The following SGCZ variants were observed in gnomAD, a reference collection of about 807,000 sequenced individuals.
SGCZ encodes the protein zeta-sarcoglycan.
A neutral mutation model predicts 41.3 loss-of-function variants in SGCZ; 40 were observed. The ratio of observed to expected loss-of-function variants is 0.97; its 90% CI spans 0.75 to 1.26. SGCZ has a LOEUF of 1.26. SGCZ is among the 50% of genes most tolerant of loss of function. The pLI is 0.00. For missense variants in SGCZ, 552 were observed against 369.8 expected (o/e 1.49, Z -4.04); for synonymous variants, 206 against 137.5 (o/e 1.50, Z -3.49).
intron 1 of SGCZ, among the ~76,000 whole-genome samples, chr8:15,179,892 C>G (rs1485292120): frequency 6.6e-6 from 1 of 152,186 alleles, no homozygotes; most frequent in Non-Finnish European, 1.5e-5. Flanking sequence ...CTGTACCACA[C>G]AACAACCTGC....
At chr8:14,347,768 C>G (rs1322265029) in intron 2 of SGCZ, among the ~76,000 whole-genome samples, 2 of 151,996 alleles carry the variant, frequency 1.3e-5, no homozygotes, top group Non-Finnish European at 2.9e-5. Context: ...GAAAGAACAT[C>G]AATGAGATTT....
At chr8:14,566,177 T>C (rs1280060122) in intron 1 of SGCZ, among the ~76,000 whole-genome samples, 5 of 152,256 alleles carry the variant, frequency 3.3e-5, no homozygotes. Flanking sequence ...TATTATTATA[T>C]GCTGACTATT....
intron 1 of SGCZ, among the ~76,000 whole-genome samples, chr8:14,775,907 T>C (rs1347817318): frequency 6.6e-6 from 1 of 152,080 alleles, no homozygotes; most frequent in Non-Finnish European, 1.5e-5. Context: ...GTAAAACAGA[T>C]GCCTGTGACT....
intron 1 of SGCZ, among the ~76,000 whole-genome samples, chr8:14,735,478 G>C (rs1158748492): frequency 1.3e-5 from 2 of 152,104 alleles, no homozygotes; most frequent in Non-Finnish European, 2.9e-5. Context: ...CAGACTTCAG[G>C]TTTCCACCCT....
intron 2 of SGCZ, among the ~76,000 whole-genome samples, chr8:14,534,458 C>A (rs1326267890): frequency 1.3e-5 from 2 of 151,944 alleles, no homozygotes; most frequent in African/African-American, 2.4e-5. Context: ...GCATTATTAA[C>A]CTTCACTCTT....
chr8:14,581,865 T>G (rs1279341729), intron 1 of SGCZ, among the ~76,000 whole-genome samples: 1 of 152,226 alleles, frequency 6.6e-6, no homozygotes, highest in Non-Finnish European at 1.5e-5. Flanking sequence ...CAGATGATGC[T>G]AGAACAACAG....
At chr8:14,801,596 A>T (rs1801322998) in intron 1 of SGCZ, among the ~76,000 whole-genome samples, 1 of 152,184 alleles carries the variant, frequency 6.6e-6, no homozygotes, top group Non-Finnish European at 1.5e-5. Context: ...GAACGGACAG[A>T]GATCAGGGAA....
At position 15,166,490 on chromosome 8, in the gene SGCZ, C is replaced by T. The variant is rs568712426; in HGVS notation, c.39+71095G>A. Among the ~76,000 whole-genome samples the T allele has an allele frequency of 2.5e-4, 38 of 152,118 alleles. 1 individual carries two copies. The East Asian group carries it at 3.7e-3, about 15-fold the overall frequency. Reference sequence around the variant, plus strand: ...GTCTCCATCTCCTGACCTCATGATCCGCCCGCCTTGGCCTCCCAAAGTGCT... The same window carrying T: ...GTCTCCATCTCCTGACCTCATGATCTGCCCGCCTTGGCCTCCCAAAGTGCT... On this transcript the variant is annotated intron_variant, in intron 1 of 7. Transcript: ENST00000382080.
At chr8:14,823,688 A>G (rs945428566) in intron 1 of SGCZ, among the ~76,000 whole-genome samples, 7 of 152,176 alleles carry the variant, frequency 4.6e-5, no homozygotes, top group African/African-American at 1.7e-4. Context: ...AAAAAATTAA[A>G]AATAGAACTA....
chr8:14,770,667 T>A (rs1041719079), intron 1 of SGCZ, among the ~76,000 whole-genome samples: 1 of 152,152 alleles, frequency 6.6e-6, no homozygotes, highest in Non-Finnish European at 1.5e-5. Flanking sequence ...ACTCATTCAG[T>A]AAACTTTTAT....
intron 1 of SGCZ, among the ~76,000 whole-genome samples, chr8:14,739,633 T>C (rs1259959677): frequency 6.6e-6 from 1 of 152,092 alleles, no homozygotes; most frequent in Admixed American, 6.6e-5. Context: ...TGTATTAGTC[T>C]TCCTTTTAGA....
chr8:14,108,499 G>T (rs1802277387), intron 5 of SGCZ, among the ~76,000 whole-genome samples: 1 of 152,118 alleles, frequency 6.6e-6, no homozygotes. Context: ...CATCGCGGTG[G>T]CAAGAGAAAA....
In SGCZ at chr8:15,197,914, A is replaced by G. The variant is rs535965913; in HGVS notation, c.39+39671T>C. 3.3e-5 allele frequency among the ~76,000 whole-genome samples: 5 copies of G among 151,322 alleles called. No individual in the cohort carries two copies. In the South Asian group the frequency reaches 8.3e-4, roughly 25 times the overall value. Reference sequence around the variant, plus strand: ...CACACACACACATTCGTGTATATATATAGATACACATACACCCATATAAAC... The same window carrying G: ...CACACACACACATTCGTGTATATATGTAGATACACATACACCCATATAAAC... On this transcript the variant is annotated intron_variant, in intron 1 of 7. Coordinates refer to ENST00000382080, the MANE Select transcript of SGCZ (RefSeq NM_139167.4).
intron 2 of SGCZ, among the ~76,000 whole-genome samples, chr8:14,362,052 A>G (rs1163925473): frequency 3.3e-5 from 5 of 152,126 alleles, no homozygotes; most frequent in Non-Finnish European, 5.9e-5. Context: ...TCCTTCCTCT[A>G]GAAGCTTCAT....
At chr8:14,421,872 C>T (rs11986178) in intron 2 of SGCZ, among the ~76,000 whole-genome samples, 53,022 of 151,788 alleles carry the variant, frequency 0.35, 10,237 homozygotes, top group African/African-American at 0.52. Context: ...TACTTTGAAT[C>T]CAGAATCCTG....
chr8:14,983,825 C>G (rs1046774414), intron 1 of SGCZ, among the ~76,000 whole-genome samples: 1 of 152,254 alleles, frequency 6.6e-6, no homozygotes, highest in East Asian at 1.9e-4. Flanking sequence ...TTTACTATAT[C>G]ATAATAAAGC....
intron 5 of SGCZ, among the ~76,000 whole-genome samples, chr8:14,146,890 A>AAAAAAAAAAAAATAATAATAAT (rs1182329393): frequency 8.6e-6 from 1 of 116,184 alleles, no homozygotes; most frequent in Non-Finnish European, 1.8e-5. Context: ...AAAATAAAAA[A>AAAAAAAAAAAAATAATAATAAT]AATAATAATA....
intron 1 of SGCZ, among the ~76,000 whole-genome samples, chr8:14,687,095 G>C (rs1048099040): frequency 6.6e-6 from 1 of 150,396 alleles, no homozygotes; most frequent in African/African-American, 2.4e-5. Flanking sequence ...CATTATTTCA[G>C]TGGCCATAAA....
At chr8:14,106,015 G>T (rs934236680) in intron 6 of SGCZ, among the ~76,000 whole-genome samples, 1 of 152,052 alleles carries the variant, frequency 6.6e-6, no homozygotes, top group East Asian at 1.9e-4. Context: ...AAACACAGAT[G>T]AAAAAAATTG....
Sources: allele counts gnomAD v4.1 joint callset (sites outside exome capture counted in the v4.1 genomes callset), GRCh38; gene constraint gnomAD v4.1.1; transcripts MANE v1.5; gene names NCBI Gene and HGNC (gene_info 2026-07-23, HGNC 2026-07-21).